Variants in CACNA2D3 observed in about 807,000 individuals in gnomAD.
CACNA2D3 encodes voltage-dependent calcium channel subunit alpha-2/delta-3.
In CACNA2D3, 60 loss-of-function variants were observed where a neutral mutation model predicts 160.6. That is an observed-to-expected ratio of 0.37 (90% CI 0.30 to 0.46). The LOEUF (loss-of-function observed/expected upper bound fraction) is 0.46, where lower values mean the gene tolerates loss of function less well. CACNA2D3 is among the 20% of genes least tolerant of loss of function. CACNA2D3 has a pLI of 1.00. For missense variants in CACNA2D3, 1,205 were observed against 1,365.0 expected (o/e 0.88, Z 1.85); for synonymous variants, 558 against 492.9 (o/e 1.13, Z -1.75).
intron 31 of CACNA2D3, among the ~76,000 whole-genome samples, chr3:54,999,520 A>G (rs1391133043): frequency 6.6e-6 from 1 of 152,176 alleles, no homozygotes; most frequent in Admixed American, 6.5e-5. Flanking sequence ...ATAGGTCTCT[A>G]TGTCTAATGC....
intron 35 of CACNA2D3, among the ~76,000 whole-genome samples, chr3:55,063,784 C>T (rs891198905): frequency 1.3e-5 from 2 of 152,142 alleles, no homozygotes; most frequent in Non-Finnish European, 2.9e-5. Context: ...GTCAGCCTTG[C>T]ACTTGGGAAG....
At chr3:54,864,893 G>A (rs1348067498) in intron 17 of CACNA2D3, among the ~76,000 whole-genome samples, 1 of 152,156 alleles carries the variant, frequency 6.6e-6, no homozygotes, top group Non-Finnish European at 1.5e-5. Context: ...CACGTGACCT[G>A]CCTTTCCTGG....
At chr3:54,964,734 T>C (rs1371539015) in intron 27 of CACNA2D3, among the ~76,000 whole-genome samples, 1 of 152,200 alleles carries the variant, frequency 6.6e-6, no homozygotes, top group Non-Finnish European at 1.5e-5. Context: ...AGGTGATATT[T>C]GTTTTTCTGA....
chr3:54,558,715 T>A lies in CACNA2D3; in HGVS notation c.545-4085T>A, dbSNP rs138573310. Among the ~76,000 whole-genome samples the A allele has an allele frequency of 3.6e-3, 546 of 152,318 alleles. 3 individuals carry two copies. Among genetic ancestry groups the A allele is most frequent in the Middle Eastern group, 0.01 (3 of 294 alleles). On this transcript the variant is annotated intron_variant, in intron 5 of 37. Transcript: ENST00000474759. Reference sequence around the variant, plus strand: ...TTAATTCACTCAGGATAATGGCCTCTGGCTCCATCCATGTCACTGCAAAGG... The same window carrying A: ...TTAATTCACTCAGGATAATGGCCTCAGGCTCCATCCATGTCACTGCAAAGG...
At chr3:54,869,552 A>C (rs151276085) in intron 17 of CACNA2D3, among the ~76,000 whole-genome samples, 3,220 of 152,336 alleles carry the variant, frequency 0.021, 115 homozygotes, top group African/African-American at 0.072. Flanking sequence ...GTTTAGATCC[A>C]GTATCAGGCT....
chr3:54,745,887 T>C (rs1271759753), intron 11 of CACNA2D3, among the ~76,000 whole-genome samples: 1 of 152,214 alleles, frequency 6.6e-6, no homozygotes, highest in African/African-American at 2.4e-5. Context: ...GTATAGACTC[T>C]TAGAGCGTCC....
At chr3:54,286,915 C>T (rs1384761230) in intron 2 of CACNA2D3, among the ~76,000 whole-genome samples, 1 of 152,174 alleles carries the variant, frequency 6.6e-6, no homozygotes, top group East Asian at 1.9e-4. Context: ...CCTAAAAGAG[C>T]TCCTGAAAGA....
chr3:54,663,851 A>G (rs1700015313), intron 11 of CACNA2D3, among the ~76,000 whole-genome samples: 1 of 152,126 alleles, frequency 6.6e-6, no homozygotes, highest in Admixed American at 6.5e-5. Flanking sequence ...TGGCCACTTC[A>G]CTGCCACCCT....
At chr3:54,754,721 C>G (rs1479527125) in intron 12 of CACNA2D3, among the ~76,000 whole-genome samples, 2 of 152,154 alleles carry the variant, frequency 1.3e-5, no homozygotes, top group East Asian at 1.9e-4. Flanking sequence ...TTAAATGGGT[C>G]TCCTAAGCCA....
At chr3:54,682,022 A>G (rs1327762005) in intron 11 of CACNA2D3, among the ~76,000 whole-genome samples, 1 of 152,142 alleles carries the variant, frequency 6.6e-6, no homozygotes, top group Non-Finnish European at 1.5e-5. Flanking sequence ...ACTTAGGTTC[A>G]GAGAAAATAA....
At chr3:54,376,036 C>A (rs923912200) in intron 3 of CACNA2D3, among the ~76,000 whole-genome samples, 4 of 152,160 alleles carry the variant, frequency 2.6e-5, no homozygotes, top group Admixed American at 2.0e-4. Context: ...GCACTGCCAC[C>A]AGATTACTTT....
At chr3:54,406,059 G>A (rs1699570300) in intron 4 of CACNA2D3, among the ~76,000 whole-genome samples, 1 of 152,116 alleles carries the variant, frequency 6.6e-6, no homozygotes, top group African/African-American at 2.4e-5. Context: ...TGTTGGTGAG[G>A]CTGTGGAGAA....
intron 4 of CACNA2D3, among the ~76,000 whole-genome samples, chr3:54,460,498 C>G (rs570290202): frequency 2.8e-3 from 425 of 152,168 alleles, no homozygotes; most frequent in Non-Finnish European, 5.0e-3. Context: ...CACATCCCTT[C>G]TAAGTTGGAA....
intron 27 of CACNA2D3, among the ~76,000 whole-genome samples, chr3:54,919,980 C>T (rs1159073124): frequency 3.3e-5 from 5 of 152,140 alleles, no homozygotes; most frequent in Non-Finnish European, 7.3e-5. Context: ...TCGGCACTGT[C>T]TGCTAGGAAG....
intron 2 of CACNA2D3, among the ~76,000 whole-genome samples, chr3:54,236,431 A>G (rs1447821482): frequency 2.6e-5 from 4 of 152,210 alleles, no homozygotes; most frequent in Non-Finnish European, 5.9e-5. Flanking sequence ...GGCCTTAGCA[A>G]TTATTCTGTA....
chr3:54,715,862 C>A (rs555573707), intron 11 of CACNA2D3, among the ~76,000 whole-genome samples: 4 of 152,272 alleles, frequency 2.6e-5, no homozygotes, highest in African/African-American at 9.6e-5. Context: ...AAATATGTTT[C>A]ATCTCACATA....
At chr3:54,367,511 TC>T in intron 3 of CACNA2D3, 1 of 208,632 alleles carries the variant, frequency 4.8e-6, no homozygotes, top group Non-Finnish European at 1.0e-5. Context: ...TTGTCAAATG[TC>T]CCTAGTTCAG....
At chr3:54,438,381 CA>C (rs1272504344) in intron 4 of CACNA2D3, among the ~76,000 whole-genome samples, 2 of 151,996 alleles carry the variant, frequency 1.3e-5, no homozygotes, top group Non-Finnish European at 2.9e-5. Context: ...TTACCTTTAC[CA>C]ACCAAAATAA....
At chr3:54,955,693 A>G (rs1393606844) in intron 27 of CACNA2D3, among the ~76,000 whole-genome samples, 2 of 152,102 alleles carry the variant, frequency 1.3e-5, no homozygotes, top group African/African-American at 2.4e-5. Context: ...CTGAGATCAG[A>G]CAGCCTGGCT....
Sources: allele counts gnomAD v4.1 joint callset (sites outside exome capture counted in the v4.1 genomes callset), GRCh38; gene constraint gnomAD v4.1.1; transcripts MANE v1.5; gene names NCBI Gene and HGNC (gene_info 2026-07-23, HGNC 2026-07-21).